Variants in TUSC3 observed in about 807,000 individuals in gnomAD.
TUSC3 encodes tumor suppressor candidate 3.
A neutral mutation model predicts 44.8 loss-of-function variants in TUSC3; 45 were observed. That is an observed-to-expected ratio of 1.00 (90% CI 0.79 to 1.29). TUSC3 has a LOEUF of 1.29. Ranked by LOEUF, TUSC3 falls within the 50% of genes most tolerant of loss-of-function variation. The probability of loss-of-function intolerance (pLI) is 0.00; values close to 1 mark genes in which losing one functional copy is unlikely to be tolerated. For missense variants in TUSC3, 519 were observed against 437.9 expected (o/e 1.19, Z -1.65); for synonymous variants, 212 against 152.9 (o/e 1.39, Z -2.85).
the TUSC3 span, among the ~76,000 whole-genome samples, chr8:15,834,354 C>G: frequency 6.6e-6 from 1 of 152,074 alleles, no homozygotes; most frequent in South Asian, 2.1e-4. Flanking sequence ...ATTTCTTTCT[C>G]TTGTCTCATT....
At chr8:15,843,621 T>TATATATATACACACAC in the TUSC3 span, among the ~76,000 whole-genome samples, 41 of 146,764 alleles carry the variant, frequency 2.8e-4, no homozygotes, top group African/African-American at 1.1e-3. Context: ...TATATATATA[T>TATATATATACACACAC]ACACGCACAT....
chr8:15,752,164 C>G (rs182500656), intron 9 of TUSC3, among the ~76,000 whole-genome samples: 4 of 151,884 alleles, frequency 2.6e-5, no homozygotes, highest in Non-Finnish European at 5.9e-5. Flanking sequence ...AAGGAAGACT[C>G]CAGAAGAAGG....
At chr8:15,731,807 A>G (rs1369718254) in intron 7 of TUSC3, among the ~76,000 whole-genome samples, 1 of 152,186 alleles carries the variant, frequency 6.6e-6, no homozygotes, top group Admixed American at 6.5e-5. Context: ...TGTCATAACA[A>G]TGCATTTTTA....
intron 9 of TUSC3, among the ~76,000 whole-genome samples, chr8:15,755,363 A>T (rs1784455195): frequency 2.6e-5 from 4 of 152,188 alleles, no homozygotes; most frequent in Admixed American, 2.6e-4. Flanking sequence ...GATGCTAATT[A>T]TCATTAATTC....
At chr8:15,456,144 C>T (rs561705103) in intron 1 of TUSC3, among the ~76,000 whole-genome samples, 5 of 152,180 alleles carry the variant, frequency 3.3e-5, no homozygotes, top group Admixed American at 6.5e-5. Flanking sequence ...CACTCCTTTC[C>T]TCACACTAGC....
intron 1 of TUSC3, among the ~76,000 whole-genome samples, chr8:15,590,469 C>G (rs573030061): frequency 6.6e-6 from 1 of 152,146 alleles, no homozygotes; most frequent in East Asian, 1.9e-4. Context: ...CTCCCAGCAT[C>G]TAAGAAAATA....
intron 2 of TUSC3, 40 bp downstream of exon 2, chr8:15,623,289 TTGG>T: frequency 6.6e-7 from 1 of 1,511,602 alleles, no homozygotes; most frequent in East Asian, 2.5e-5. Flanking sequence ...ACTATTATTC[TTGG>T]TTTACATATA....
chr8:15,799,021 A>G, the TUSC3 span, among the ~76,000 whole-genome samples: 2 of 152,122 alleles, frequency 1.3e-5, no homozygotes, highest in African/African-American at 4.8e-5. Context: ...TGTCTCTTCT[A>G]TGGTTTCTCC....
At chr8:15,686,172 C>G (rs1287471449) in intron 6 of TUSC3, among the ~76,000 whole-genome samples, 1 of 152,040 alleles carries the variant, frequency 6.6e-6, no homozygotes, top group Non-Finnish European at 1.5e-5. Context: ...TAAAGGGAAA[C>G]TATACAAACA....
At chr8:15,754,317 A>G (rs990004989) in intron 9 of TUSC3, among the ~76,000 whole-genome samples, 2 of 111,664 alleles carry the variant, frequency 1.8e-5, no homozygotes, top group Non-Finnish European at 4.4e-5. Flanking sequence ...AACCACTCCA[A>G]CCATCCAAGA....
chr8:15,663,897 C>G (rs1807537744), intron 5 of TUSC3, among the ~76,000 whole-genome samples: 1 of 151,746 alleles, frequency 6.6e-6, no homozygotes, highest in Admixed American at 6.6e-5. Context: ...ATCAAAACTT[C>G]TTTGGTATTT....
At chr8:15,695,457 C>T (rs1585240181) in intron 6 of TUSC3, among the ~76,000 whole-genome samples, 1 of 152,164 alleles carries the variant, frequency 6.6e-6, no homozygotes, top group African/African-American at 2.4e-5. Flanking sequence ...GTCCATTAAA[C>T]CTCTTTTTCT....
chr8:15,582,262 C>G (rs1803395048), intron 1 of TUSC3, among the ~76,000 whole-genome samples: 1 of 152,186 alleles, frequency 6.6e-6, no homozygotes. Context: ...CAGAAATCAC[C>G]CGTCTTCTGG....
chr8:15,547,945 T>G (rs1345617479), intron 1 of TUSC3, among the ~76,000 whole-genome samples: 1 of 151,776 alleles, frequency 6.6e-6, no homozygotes, highest in African/African-American at 2.4e-5. Flanking sequence ...ATTCACTTTA[T>G]TTTTAACTTT....
intron 6 of TUSC3, among the ~76,000 whole-genome samples, chr8:15,697,647 A>G (rs1462000276): frequency 5.9e-5 from 9 of 152,234 alleles, no homozygotes; most frequent in Admixed American, 5.9e-4. Flanking sequence ...AGCCAAAGGA[A>G]GTGCATAGAA....
At chr8:15,573,892 A>G (rs970445488) in intron 1 of TUSC3, among the ~76,000 whole-genome samples, 3 of 151,950 alleles carry the variant, frequency 2.0e-5, no homozygotes, top group African/African-American at 7.2e-5. Flanking sequence ...AGTTCCAAAT[A>G]TGGGGGGTGA....
intron 8 of TUSC3, among the ~76,000 whole-genome samples, chr8:15,745,872 CAG>C (rs1811393158): frequency 8.0e-6 from 1 of 124,374 alleles, no homozygotes; most frequent in African/African-American, 2.7e-5. Context: ...AATGTTGAGA[CAG>C]GCATTTCCTA....
chr8:15,520,673 T>G (rs79946558), intron 2 of TUSC3, among the ~76,000 whole-genome samples: 1 of 152,190 alleles, frequency 6.6e-6, no homozygotes, highest in African/African-American at 2.4e-5. Flanking sequence ...AACTCCTCCA[T>G]AGTTTTCCTC....
intron 2 of TUSC3, among the ~76,000 whole-genome samples, chr8:15,501,001 A>C (rs1363402053): frequency 6.6e-6 from 1 of 152,210 alleles, no homozygotes; most frequent in African/African-American, 2.4e-5. Flanking sequence ...TATAGCTATA[A>C]TACCAAATAA....
Sources: allele counts gnomAD v4.1 joint callset (sites outside exome capture counted in the v4.1 genomes callset), GRCh38; gene constraint gnomAD v4.1.1; transcripts MANE v1.5; gene names NCBI Gene and HGNC (gene_info 2026-07-23, HGNC 2026-07-21).